PCED1A: variants seen among roughly 807,000 people sequenced by gnomAD.
PCED1A encodes the protein PC-esterase domain containing 1A.
PCED1A carries 20 observed loss-of-function variants against 41.9 expected under a neutral mutation model. That is an observed-to-expected ratio of 0.48 (90% CI 0.34 to 0.69). PCED1A has a LOEUF of 0.69. PCED1A is among the 30% of genes least tolerant of loss of function. PCED1A has a pLI of 0.01. For synonymous variants in PCED1A, 236 were observed against 241.3 expected, an observed-to-expected ratio of 0.98 and a Z score of 0.20; for missense variants, 498 against 602.1, an observed-to-expected ratio of 0.83 and a Z score of 1.81.
intron 1 of PCED1A, 24 bp downstream of exon 1, chr20:2,840,187 C>T: frequency 3.1e-6 from 1 of 327,472 alleles, no homozygotes; most frequent in Non-Finnish European, 5.5e-6. Context: ...CCCGCGCATG[C>T]GCGCACCCGC....
At chr20:2,841,124 G>T, upstream of PCED1A, 1 of 476,912 alleles carries the variant, frequency 2.1e-6, no homozygotes, top group Non-Finnish European at 3.7e-6. Flanking sequence ...GACAGCGAGT[G>T]CCCAGTCTCC....
chr20:2,835,643 T>C lies in PCED1A; in HGVS notation c.1184A>G (p.His395Arg), dbSNP rs780642403. 2 of 1,605,334 alleles carry C rather than the reference T, an allele frequency of 1.2e-6. No homozygotes were observed. The highest frequency in any genetic ancestry group is 1.7e-6 in the Non-Finnish European group (2 of 1,173,446). ...GACCACTGGGCCCCAGTGCTGACCA[T>C]GGGGATTAGGGCCAGGGATTGGAGG... ...LPPPIPGPNP[H>R]GQHWGPVVHR... The change falls in exon 8 of 8, where the codon CAT becomes CGT. Residue 395 changes from histidine to arginine, a missense_variant. Physicochemically the swap from His to Arg is conservative, Grantham distance 29. This residue lies in a region of PCED1A where 245 missense variants were observed against 232.4 expected (regional missense o/e 1.05). Transcript: ENST00000360652.
Position 2,839,007 on chromosome 20 carries a change from G to C in PCED1A, c.280C>G (p.Arg94Gly). The change falls in exon 4 of 8, where the codon CGT becomes GGT. Residue 94 changes from arginine (R) to glycine (G), a missense_variant. This residue lies in a region of PCED1A where 253 missense variants were observed against 369.7 expected (regional missense o/e 0.68). Transcript: ENST00000360652. ...LGELHNGTQY[R>G]EVRQFCSGSG... is the part of the protein sequence containing the mutation. ...CCCGAGCAGAACTGGCGGACCTCAC[G>C]ATACTGTGTCCCGTTGTGCAGCTCG... 6.2e-7 allele frequency: 1 copy of C among 1,613,874 alleles called. No homozygotes were observed. The highest frequency in any genetic ancestry group is 8.5e-7 in the Non-Finnish European group (1 of 1,180,030).
At chr20:2,839,755 G>A (rs774095293) in intron 2 of PCED1A, 34 bp downstream of exon 2, 3 of 1,611,032 alleles carry the variant, frequency 1.9e-6, no homozygotes, top group Non-Finnish European at 2.5e-6. Flanking sequence ...GCAAGGTGTG[G>A]GACTGGAAGC....
intron 1 of PCED1A, 89 bp from the exon 2 acceptor site, chr20:2,840,022 A>C: frequency 2.2e-6 from 3 of 1,344,240 alleles, no homozygotes; most frequent in Non-Finnish European, 3.0e-6. Context: ...GCTCAATGCT[A>C]AAGGGAGGAG....
upstream of PCED1A, chr20:2,840,859 G>A: frequency 6.6e-7 from 1 of 1,506,168 alleles, no homozygotes; most frequent in Non-Finnish European, 8.9e-7. Flanking sequence ...CCCACGGCCT[G>A]GCTTACCCTG....
upstream of PCED1A, chr20:2,840,733 G>C: frequency 6.5e-7 from 1 of 1,545,642 alleles, no homozygotes; most frequent in Admixed American, 2.0e-5. Context: ...CGCTCTAGGT[G>C]GGTGTCCCCT....
Position 2,839,831 on chromosome 20 carries a change from G to A in PCED1A, c.82C>T (p.Gln28Ter). 1 of 1,614,214 alleles carries A rather than the reference G, an allele frequency of 6.2e-7. No homozygotes were observed. The highest frequency in any genetic ancestry group is 1.6e-4 in the Middle Eastern group (1 of 6,062). ...MVHFQASEVQ[Q>*]LLHNKFVVIL... Reference sequence around the variant, plus strand: ...ACCACGAACTTGTTGTGTAGCAGCTGCTGGACTTCCGAGGCCTGGAAGTGG... The same window carrying A: ...ACCACGAACTTGTTGTGTAGCAGCTACTGGACTTCCGAGGCCTGGAAGTGG... Residue 28 changes from glutamine (Q) to a stop codon, truncating the protein, a stop_gained, in exon 2 of 8, where the codon CAG (glutamine) becomes TAG (stop). Coordinates refer to ENST00000360652, the MANE Select transcript of PCED1A (RefSeq NM_022760.6). LOFTEE classifies it high-confidence loss of function.
At position 2,835,698 on chromosome 20, in the gene PCED1A, C is replaced by G. The variant is rs1462020122; in HGVS notation, c.1129G>C (p.Gly377Arg). The G allele has an allele frequency of 6.4e-7, 1 of 1,559,388 alleles. No individual in the cohort carries two copies. Among genetic ancestry groups the G allele is most frequent in the South Asian group, 1.2e-5 (1 of 83,584 alleles). ...AGAGGGCCAGGCACAAAGTTCACTC[C>G]AGGGCCACATCCTACAAAAGAACCA... ...SMPPHLGCGP[G>R]VNFVPGPLPP... Residue 377 changes from glycine (G) to arginine (R), a missense_variant, in exon 8 of 8, where the codon GGA becomes CGA. Coordinates refer to ENST00000360652, the MANE Select transcript of PCED1A (RefSeq NM_022760.6).
intron 1 of PCED1A, 82 bp from the exon 2 acceptor site, chr20:2,840,015 C>T: frequency 7.1e-7 from 1 of 1,399,812 alleles, no homozygotes; most frequent in South Asian, 1.4e-5. Context: ...CGGGGCTGCT[C>T]AATGCTAAAG....
chr20:2,839,095 C>G lies in PCED1A; in HGVS notation c.205-13G>C, dbSNP rs752356696. On this transcript the variant is annotated splice_polypyrimidine_tract_variant and intron_variant, in intron 3 of 7. Coordinates refer to ENST00000360652, the MANE Select transcript of PCED1A (RefSeq NM_022760.6). Reference sequence around the variant, plus strand: ...AGCTCAGCTCCCCCTACCCACCCCCCCCACCCTACTGGTCAGACCCATGCC... The same window carrying G: ...AGCTCAGCTCCCCCTACCCACCCCCGCCACCCTACTGGTCAGACCCATGCC... The G allele has an allele frequency of 1.9e-6, 3 of 1,599,554 alleles. No homozygotes were observed. Among genetic ancestry groups the G allele is most frequent in the Admixed American group, 1.7e-5 (1 of 59,496 alleles).
In PCED1A at chr20:2,835,482, A is replaced by C. The variant is rs1209094927; in HGVS notation, c.1345T>G (p.Ser449Ala). The part of the protein sequence containing the change: ...YKLDRRPPAH[S>A]GTWPG ...CCAGTCTACCCAGGCCATGTCCCCG[A>C]ATGGGCAGGAGGCCGTCTGTCCAGT... The change falls in exon 8 of 8, where the codon TCG becomes GCG. Residue 449 changes from serine to alanine, a missense_variant. Around this residue, in one of 2 missense-constraint regions of PCED1A, gnomAD observed 245 missense variants for 232.4 expected, o/e 1.05. Coordinates refer to ENST00000360652, the MANE Select transcript of PCED1A (RefSeq NM_022760.6). The C allele has an allele frequency of 7.4e-6, 12 of 1,611,182 alleles. No homozygotes were observed. Among genetic ancestry groups the C allele is most frequent in the Non-Finnish European group, 1.0e-5 (12 of 1,177,816 alleles).
At position 2,840,287 on chromosome 20, in the gene PCED1A, C is replaced by T; in HGVS notation, c.-98G>A. 1 of 246,086 alleles carries T rather than the reference C, an allele frequency of 4.1e-6. No homozygotes were observed. The highest frequency in any genetic ancestry group is 7.1e-5 in the South Asian group (1 of 14,050). 15.2% of individuals were successfully genotyped at this position (246,086 alleles called of 1,614,324 possible). A position where few individuals can be genotyped will look rare whatever the true frequency, so the allele number is the denominator to read the frequency against. ...CCGCGCGCCTGGCCCGCAGCGGGCTCCTAGCCAAGCCTCATGTTCCCGCGC... is the reference window on the plus strand; with the variant it reads ...CCGCGCGCCTGGCCCGCAGCGGGCTTCTAGCCAAGCCTCATGTTCCCGCGC... On this transcript the variant is annotated 5_prime_UTR_variant, in exon 1 of 8. Transcript: ENST00000360652.
Position 2,838,794 on chromosome 20 carries a change from T to C in PCED1A, c.444-48A>G. On this transcript the variant is annotated intron_variant, in intron 4 of 7. Coordinates refer to ENST00000360652, the MANE Select transcript of PCED1A (RefSeq NM_022760.6). This position sits in a 1 kb window ranked among gnomAD's most constrained non-coding sequence, Gnocchi z 5.8. Reference sequence around the variant, plus strand: ...GGCAAGAGCACAAGGGTGGACTGCCTCAGCCGTACTTCCAGCCCCAACCAG... The same window carrying C: ...GGCAAGAGCACAAGGGTGGACTGCCCCAGCCGTACTTCCAGCCCCAACCAG... The C allele has an allele frequency of 6.2e-7, 1 of 1,614,146 alleles. No homozygotes were observed. The highest frequency in any genetic ancestry group is 8.5e-7 in the Non-Finnish European group (1 of 1,180,014).
chr20:2,835,490 G>A lies in PCED1A; in HGVS notation c.1337C>T (p.Pro446Leu), dbSNP rs905522032. The A allele has an allele frequency of 6.2e-7, 1 of 1,612,696 alleles. No individual in the cohort carries two copies. The highest frequency in any genetic ancestry group is 8.5e-7 in the Non-Finnish European group (1 of 1,178,824). The change falls in exon 8 of 8, where the codon CCT becomes CTT. Residue 446 changes from proline to leucine, a missense_variant. Physicochemically the swap from Pro to Leu is moderately conservative, Grantham distance 98. Coordinates refer to ENST00000360652, the MANE Select transcript of PCED1A (RefSeq NM_022760.6). Reference sequence around the variant, plus strand: ...CCCAGGCCATGTCCCCGAATGGGCAGGAGGCCGTCTGTCCAGTTTGTATGT... The same window carrying A: ...CCCAGGCCATGTCCCCGAATGGGCAAGAGGCCGTCTGTCCAGTTTGTATGT... ...IHTYKLDRRP[P>L]AHSGTWPG
chr20:2,836,358 T>G (rs2088836098), intron 6 of PCED1A, 44 bp from the exon 7 acceptor site: 1 of 1,541,192 alleles, frequency 6.5e-7, no homozygotes, highest in Non-Finnish European at 9.0e-7. Flanking sequence ...GGAGCCAGGC[T>G]GCCCTGAACT....
chr20:2,840,146 G>A (rs1355089719), intron 1 of PCED1A, 65 bp downstream of exon 1: 7 of 422,646 alleles, frequency 1.7e-5, no homozygotes, highest in South Asian at 1.0e-4. Flanking sequence ...GCGCGGCGCC[G>A]CCCTGCGCCT....
chr20:2,838,578 T>C lies in PCED1A; in HGVS notation c.594+18A>G. ...TCTGCTATCCCATCTCTTGTCCTGA[T>C]GGGCCTCAGTCACTTGCCTCTGGCA... is the stretch of plus-strand genomic sequence containing the variant. On this transcript the variant is annotated intron_variant, in intron 5 of 7. Coordinates refer to ENST00000360652, the MANE Select transcript of PCED1A (RefSeq NM_022760.6). The surrounding 1 kb of genome is among the most constrained non-coding windows in gnomAD (Gnocchi z 5.8). The C allele has an allele frequency of 6.2e-7, 1 of 1,614,202 alleles. No individual in the cohort carries two copies. Among genetic ancestry groups the C allele is most frequent in the Non-Finnish European group, 8.5e-7 (1 of 1,180,016 alleles).
In PCED1A at chr20:2,838,758, C is replaced by T. The variant is rs779666609; in HGVS notation, c.444-12G>A. The T allele has an allele frequency of 6.2e-7, 1 of 1,614,222 alleles. No homozygotes were observed. The highest frequency in any genetic ancestry group is 1.6e-4 in the Middle Eastern group (1 of 6,062). On this transcript the variant is annotated splice_polypyrimidine_tract_variant and intron_variant, in intron 4 of 7. Coordinates refer to ENST00000360652, the MANE Select transcript of PCED1A (RefSeq NM_022760.6). The surrounding 1 kb of genome is among the most constrained non-coding windows in gnomAD (Gnocchi z 5.8). ...AGCAGCGACCATATCTGTTGGATAA[C>T]ACACAGGGTGGGCAAGAGCACAAGG...
Sources: allele counts gnomAD v4.1 joint callset, GRCh38; gene constraint gnomAD v4.1.1; regional missense constraint gnomAD v4.1.1; non-coding constraint Gnocchi (gnomAD v3.1); transcripts MANE v1.5; gene names NCBI Gene and HGNC (gene_info 2026-07-23, HGNC 2026-07-21).